Variants in HHAT observed in about 807,000 individuals in gnomAD.
HHAT encodes hedgehog acyltransferase.
HHAT carries 47 observed loss-of-function variants against 70.8 expected under a neutral mutation model. The observed-to-expected ratio is 0.66, with a 90% CI of 0.53 to 0.85. The LOEUF (loss-of-function observed/expected upper bound fraction) is 0.85, where lower values mean the gene tolerates loss of function less well. Among genes scored for constraint, HHAT ranks in the 40% least tolerant of loss-of-function variants. HHAT has a pLI of 0.00. For synonymous variants in HHAT, 228 were observed against 247.6 expected (o/e 0.92, Z 0.74); for missense variants, 609 against 604.8 (o/e 1.01, Z -0.07).
At chr1:210,368,695 G>C (rs937151851) in intron 3 of HHAT, among the ~76,000 whole-genome samples, 3 of 152,280 alleles carry the variant, frequency 2.0e-5, no homozygotes, top group Admixed American at 6.5e-5. Context: ...CTTGTACTTA[G>C]TACAGAATAG....
chr1:210,659,824 A>T lies in HHAT; in HGVS notation c.1391-14464A>T, dbSNP rs1677257356. ...CAGAACCAATGACAAAAACCACATG[A>T]TTATCTCAATAGATGCAGAAAAGGC... On this transcript the variant is annotated intron_variant, in intron 11 of 11. Coordinates refer to ENST00000261458, the MANE Select transcript of HHAT (RefSeq NM_018194.6). 3.3e-5 allele frequency among the ~76,000 whole-genome samples: 5 copies of T among 152,202 alleles called. No individual in the cohort carries two copies. The South Asian group carries it at 1.0e-3, about 32-fold the overall frequency.
intron 7 of HHAT, among the ~76,000 whole-genome samples, chr1:210,454,578 A>G (rs2093823834): frequency 6.6e-6 from 1 of 152,170 alleles, no homozygotes; most frequent in Non-Finnish European, 1.5e-5. Flanking sequence ...TTCTTGTCCC[A>G]CATTATTTCA....
chr1:210,609,577 T>A (rs184508082), intron 10 of HHAT, among the ~76,000 whole-genome samples: 5 of 152,286 alleles, frequency 3.3e-5, no homozygotes, highest in African/African-American at 1.2e-4. Context: ...GGTAGATGTG[T>A]GCCATGGTGG....
chr1:210,529,564 C>T (rs1444469124), intron 9 of HHAT, among the ~76,000 whole-genome samples: 1 of 152,160 alleles, frequency 6.6e-6, no homozygotes, highest in Non-Finnish European at 1.5e-5. Flanking sequence ...GTCAAAAAGT[C>T]ACTCTCTGGG....
At chr1:210,563,630 A>G (rs986708481) in intron 9 of HHAT, among the ~76,000 whole-genome samples, 2 of 152,186 alleles carry the variant, frequency 1.3e-5, no homozygotes, top group Non-Finnish European at 1.5e-5. Context: ...GCTCTCAGCA[A>G]CTGTATGACA....
At chr1:210,523,463 G>A (rs1372652665) in intron 9 of HHAT, among the ~76,000 whole-genome samples, 1 of 152,162 alleles carries the variant, frequency 6.6e-6, no homozygotes, top group Non-Finnish European at 1.5e-5. Flanking sequence ...CTTCCTGGAT[G>A]CTTTAGATCC....
chr1:210,507,957 T>C (rs1572916170), intron 8 of HHAT, among the ~76,000 whole-genome samples: 1 of 151,972 alleles, frequency 6.6e-6, no homozygotes, highest in Non-Finnish European at 1.5e-5. Context: ...CTCAGCACTT[T>C]GGGAGGCCAA....
At chr1:210,328,792 C>T (rs2084720580), upstream of HHAT, 1 of 363,298 alleles carries the variant, frequency 2.8e-6, no homozygotes, top group Non-Finnish European at 4.9e-6. Flanking sequence ...GGGGCAAACG[C>T]GGTTCAGAAA....
intron 3 of HHAT, among the ~76,000 whole-genome samples, chr1:210,365,936 T>A (rs2088912997): frequency 7.5e-6 from 1 of 133,798 alleles, no homozygotes; most frequent in South Asian, 2.4e-4. Context: ...AAAAAAAATT[T>A]TTTTTTTTGA....
chr1:210,452,352 G>C (rs1006196112), intron 7 of HHAT, among the ~76,000 whole-genome samples: 1 of 152,182 alleles, frequency 6.6e-6, no homozygotes, highest in African/African-American at 2.4e-5. Flanking sequence ...TGAATATTTA[G>C]GGTTCAGGTG....
intron 9 of HHAT, among the ~76,000 whole-genome samples, chr1:210,515,757 CAAAAA>C (rs34971563): frequency 5.1e-4 from 41 of 80,318 alleles, no homozygotes; most frequent in Non-Finnish European, 6.8e-4. Flanking sequence ...GACTCCGTCT[CAAAAA>C]AAAAAAAAAA....
chr1:210,587,894 C>T lies in HHAT; in HGVS notation c.1044-4C>T, dbSNP rs748597698. ...TGTCTCCTAACAGCCTCTTCTTTCT[C>T]TAGGTATGTGTACATTCCAGTGGGC... On this transcript the variant is annotated splice_region_variant and splice_polypyrimidine_tract_variant and intron_variant, in intron 9 of 11. Transcript: ENST00000261458. 6.2e-7 allele frequency: 1 copy of T among 1,612,062 alleles called. No homozygotes were observed. The highest frequency in any genetic ancestry group is 8.5e-7 in the Non-Finnish European group (1 of 1,178,626).
intron 7 of HHAT, among the ~76,000 whole-genome samples, chr1:210,428,212 C>T (rs961162034): frequency 1.4e-5 from 2 of 147,998 alleles, no homozygotes; most frequent in African/African-American, 5.1e-5. Context: ...ACTCTCAATA[C>T]TTGTCCTTCC....
chr1:210,352,335 G>A (rs2087111355), intron 2 of HHAT, among the ~76,000 whole-genome samples: 2 of 152,132 alleles, frequency 1.3e-5, no homozygotes, highest in Admixed American at 6.5e-5. Context: ...CCTCACGGGA[G>A]CCAGATCCCC....
chr1:210,629,464 G>T (rs774838079), intron 11 of HHAT, among the ~76,000 whole-genome samples: 4 of 152,252 alleles, frequency 2.6e-5, no homozygotes, highest in Non-Finnish European at 5.9e-5. Flanking sequence ...GGCACTGAAC[G>T]CTGACCACTT....
intron 9 of HHAT, among the ~76,000 whole-genome samples, chr1:210,557,845 C>T (rs962409718): frequency 3.9e-5 from 6 of 152,156 alleles, no homozygotes; most frequent in African/African-American, 1.4e-4. Flanking sequence ...AACCCTATCA[C>T]CTGTCAAGGA....
At chr1:210,549,177 A>G (rs2095508560) in intron 9 of HHAT, among the ~76,000 whole-genome samples, 1 of 132,018 alleles carries the variant, frequency 7.6e-6, no homozygotes, top group Non-Finnish European at 1.5e-5. Flanking sequence ...GGCATAACAC[A>G]TGTAAAGCTC....
At chr1:210,589,459 T>A (rs1257621667) in intron 10 of HHAT, 2 of 152,226 alleles carry the variant, frequency 1.3e-5, no homozygotes, top group East Asian at 3.8e-4. Flanking sequence ...AAAAGGATGG[T>A]ATCATAAAGA....
At chr1:210,394,539 C>G (rs983554383) in intron 4 of HHAT, among the ~76,000 whole-genome samples, 5 of 152,108 alleles carry the variant, frequency 3.3e-5, no homozygotes, top group African/African-American at 1.2e-4. Context: ...CCAAAAAATA[C>G]CCCCGTGTGA....
Sources: gnomAD v4.1 joint callset for allele counts (sites outside exome capture counted in the v4.1 genomes callset) on GRCh38, gnomAD v4.1.1 for gene constraint, MANE v1.5 for transcripts, NCBI Gene and HGNC (gene_info 2026-07-23, HGNC 2026-07-21) for gene names.